The following SREK1 variants were observed in gnomAD, a reference collection of about 807,000 sequenced individuals.
SREK1 encodes splicing regulatory glutamine/lysine-rich protein 1.
Under a neutral mutation model 66.5 loss-of-function variants are expected in SREK1, and 13 were observed. The observed-to-expected ratio is 0.20, with a 90% confidence interval of 0.13 to 0.31. The LOEUF (loss-of-function observed/expected upper bound fraction) is 0.31, where lower values mean the gene tolerates loss of function less well. SREK1 is among the 10% of genes least tolerant of loss of function. The pLI, the probability that SREK1 is intolerant of heterozygous loss-of-function variation, is 1.00. For missense variants in SREK1, 607 were observed against 769.6 expected, an observed-to-expected ratio of 0.79 and a Z score of 2.50; for synonymous variants, 265 against 263.5, an observed-to-expected ratio of 1.01 and a Z score of -0.05.
chr5:66,145,799 T>TA (rs1743140296), intron 1 of SREK1, among the ~76,000 whole-genome samples: 1 of 145,904 alleles, frequency 6.9e-6, no homozygotes, highest in Non-Finnish European at 1.5e-5. Context: ...TAGATAACAC[T>TA]GTCTCCCTTG....
chr5:66,169,952 T>C (rs1745491262), intron 7 of SREK1, 99 bp from the exon 8 acceptor site: 2 of 989,342 alleles, frequency 2.0e-6, no homozygotes, highest in East Asian at 6.0e-5. Flanking sequence ...AAGAGAAATT[T>C]TTAAAATATT....
chr5:66,170,807 G>T lies in SREK1; in HGVS notation c.1344G>T (p.Glu448Asp). ...AGCATGAGAAGGATCGAGACAAAGA[G>T]AAGGAAAAGGAACAGGACAAAGAAA... ...EKEHEKDRDK[E>D]KEKEQDKEKE... The change falls in exon 9 of 12, where the codon GAG becomes GAT. Residue 448 changes from glutamate (E) to aspartate (D), a missense_variant. Transcript: ENST00000334121. The T allele has an allele frequency of 1.2e-6, 2 of 1,611,960 alleles. No individual in the cohort carries two copies. The highest frequency in any genetic ancestry group is 1.7e-6 in the Non-Finnish European group (2 of 1,178,890).
intron 10 of SREK1, 28 bp downstream of exon 10, chr5:66,175,069 A>C (rs1391661903): frequency 1.9e-6 from 3 of 1,545,734 alleles, no homozygotes; most frequent in Non-Finnish European, 2.6e-6. Flanking sequence ...GCTAAAACTA[A>C]ACAGGAGAAA....
At chr5:66,169,963 G>A in intron 7 of SREK1, 88 bp from the exon 8 acceptor site, 2 of 1,078,694 alleles carry the variant, frequency 1.9e-6, no homozygotes, top group East Asian at 5.7e-5. Context: ...TTAAAATATT[G>A]TTAAATACTG....
In SREK1 at chr5:66,170,861, G is replaced by C; in HGVS notation, c.1398G>C (p.Glu466Asp). ...EKEREKDRSK[E>D]IDEKRKKDKK... ...AACGAGAAAAAGACAGATCCAAAGA[G>C]ATAGATGAAAAAAGAAAGAAGGATA... The change falls in exon 9 of 12, where the codon GAG (glutamate) becomes GAC (aspartate). Residue 466 changes from glutamate to aspartate, a missense_variant. This residue lies in a region of SREK1 where 318 missense variants were observed against 310.3 expected (regional missense o/e 1.02). Transcript: ENST00000334121. 1 of 1,613,528 alleles carries C rather than the reference G, an allele frequency of 6.2e-7. No homozygotes were observed.
intron 8 of SREK1, 97 bp downstream of exon 8, chr5:66,170,267 G>A (rs766821326): frequency 2.3e-5 from 33 of 1,432,656 alleles, no homozygotes; most frequent in Admixed American, 4.9e-5. Flanking sequence ...TTAAAAATCT[G>A]TTGTGGTTTA....
chr5:66,164,374 C>T, intron 6 of SREK1: 1 of 334,398 alleles, frequency 3.0e-6, no homozygotes, highest in Non-Finnish European at 5.7e-6. Context: ...TTTTGTGTTG[C>T]TAATGAAAAT....
chr5:66,153,700 T>A (rs1744042257), intron 2 of SREK1, 104 bp downstream of exon 2: 6 of 1,433,646 alleles, frequency 4.2e-6, no homozygotes, highest in Non-Finnish European at 5.7e-6. Context: ...TTGGTGTGTG[T>A]GTGAAAGTAA....
chr5:66,158,684 T>G (rs895990672), intron 2 of SREK1: 1 of 850,106 alleles, frequency 1.2e-6, no homozygotes, highest in African/African-American at 1.8e-5. Flanking sequence ...TTAAGAAATT[T>G]CAATTCGCAC....
chr5:66,173,595 T>G (rs1745824674), intron 9 of SREK1, among the ~76,000 whole-genome samples: 1 of 151,958 alleles, frequency 6.6e-6, no homozygotes, highest in African/African-American at 2.4e-5. Flanking sequence ...CTCAAGTAAT[T>G]GTCTAGATTG....
At chr5:66,144,789 G>C in intron 1 of SREK1, 1 of 1,208,888 alleles carries the variant, frequency 8.3e-7, no homozygotes, top group Non-Finnish European at 1.0e-6. Flanking sequence ...GTGCCTCCGG[G>C]ACTTGTGTTC....
chr5:66,173,337 A>G (rs1179852847), intron 9 of SREK1, among the ~76,000 whole-genome samples: 1 of 152,214 alleles, frequency 6.6e-6, no homozygotes, highest in African/African-American at 2.4e-5. Context: ...GGTGATACCA[A>G]GAAAGGGAAG....
At chr5:66,164,516 A>T in intron 6 of SREK1, 2 of 1,255,066 alleles carry the variant, frequency 1.6e-6, no homozygotes, top group Non-Finnish European at 2.2e-6. Context: ...CTGTCACAGG[A>T]ATTACAGACA....
intron 9 of SREK1, among the ~76,000 whole-genome samples, chr5:66,173,298 T>C (rs557572467): frequency 2.0e-5 from 3 of 152,214 alleles, no homozygotes; most frequent in African/African-American, 7.2e-5. Context: ...TTAAATAATT[T>C]TTTAATGCTT....
chr5:66,161,127 G>C (rs1168485411), intron 3 of SREK1, among the ~76,000 whole-genome samples: 2 of 151,958 alleles, frequency 1.3e-5, no homozygotes, highest in Non-Finnish European at 2.9e-5. Context: ...CCATTTCTTA[G>C]GGTTGATATG....
chr5:66,176,576 A>G (rs1746071462), intron 10 of SREK1, among the ~76,000 whole-genome samples: 1 of 152,148 alleles, frequency 6.6e-6, no homozygotes, highest in African/African-American at 2.4e-5. Flanking sequence ...CTGTCCAGGA[A>G]TATGGTGTAT....
chr5:66,154,478 CTG>C (rs1436662300), intron 2 of SREK1, among the ~76,000 whole-genome samples: 1 of 152,162 alleles, frequency 6.6e-6, no homozygotes, highest in Non-Finnish European at 1.5e-5. Context: ...ATGATTGAAA[CTG>C]TTTTAAACAT....
chr5:66,169,166 C>T (rs1168816006), intron 7 of SREK1: 1 of 152,178 alleles, frequency 6.6e-6, no homozygotes, highest in Non-Finnish European at 1.5e-5. Flanking sequence ...TGAAAAAAAT[C>T]ACATTCTCAA....
At chr5:66,159,057 T>A (rs1254665451) in intron 2 of SREK1, 162 bp from the exon 3 acceptor site, 2 of 1,419,954 alleles carry the variant, frequency 1.4e-6, no homozygotes, top group Non-Finnish European at 1.8e-6. Context: ...TAGAGCAGGA[T>A]AAAAGGAAAG....
Sources: gnomAD v4.1 joint callset for allele counts (sites outside exome capture counted in the v4.1 genomes callset) on GRCh38, gnomAD v4.1.1 for gene constraint, gnomAD v4.1.1 regional missense constraint, MANE v1.5 for transcripts, NCBI Gene and HGNC (gene_info 2026-07-23, HGNC 2026-07-21) for gene names.